The following MYO9B variants were observed in gnomAD, a reference collection of about 807,000 sequenced individuals.
MYO9B encodes unconventional myosin-IXb.
In MYO9B, 71 loss-of-function variants were observed where a neutral mutation model predicts 229.5. The ratio of observed to expected loss-of-function variants is 0.31; its 90% CI spans 0.26 to 0.38. The LOEUF (loss-of-function observed/expected upper bound fraction) is 0.38, where lower values mean the gene tolerates loss of function less well. Among genes scored for constraint, MYO9B ranks in the 10% least tolerant of loss-of-function variants. MYO9B has a pLI of 1.00. For synonymous variants in MYO9B, 1,185 were observed against 1,235.8 expected, an observed-to-expected ratio of 0.96 and a Z score of 0.86; for missense variants, 2,255 against 2,920.5, an observed-to-expected ratio of 0.77 and a Z score of 5.25.
chr19:17,114,893 A>G (rs1402088845), intron 2 of MYO9B, among the ~76,000 whole-genome samples: 2 of 146,140 alleles, frequency 1.4e-5, no homozygotes, highest in Non-Finnish European at 3.0e-5. Context: ...ACGTTTCATT[A>G]TCTCTTTTGG....
chr19:17,115,425 T>C (rs2057892368), intron 2 of MYO9B, among the ~76,000 whole-genome samples: 1 of 151,522 alleles, frequency 6.6e-6, no homozygotes, highest in African/African-American at 2.4e-5. Flanking sequence ...CACCGCTTCG[T>C]AGAATGTTCC....
At position 17,193,112 on chromosome 19, in the gene MYO9B, G is replaced by T. The variant is rs1372967807; in HGVS notation, c.3128+50G>T. ...TCGGAATATTCCAGAAGCCAAAAAG[G>T]TCACTCACCAAATTGCTGCCCGTGA... On this transcript the variant is annotated intron_variant, in intron 21 of 39. Coordinates refer to ENST00000682292, the MANE Select transcript of MYO9B (RefSeq NM_004145.4). This position sits in a 1 kb window ranked among gnomAD's most constrained non-coding sequence, Gnocchi z 4.3. 7.1e-7 allele frequency: 1 copy of T among 1,418,372 alleles called. No individual in the cohort carries two copies. The highest frequency in any genetic ancestry group is 9.2e-7 in the Non-Finnish European group (1 of 1,086,386). 87.9% of individuals were successfully genotyped at this position (1,418,372 alleles called of 1,614,324 possible).
chr19:17,116,474 C>A (rs146965641), intron 2 of MYO9B, among the ~76,000 whole-genome samples: 1 of 152,154 alleles, frequency 6.6e-6, no homozygotes. Context: ...AGGGCCACCT[C>A]TTTTAAGGGA....
At chr19:17,128,215 G>A (rs995886149) in intron 2 of MYO9B, among the ~76,000 whole-genome samples, 2 of 148,324 alleles carry the variant, frequency 1.3e-5, no homozygotes, top group Non-Finnish European at 3.0e-5. Flanking sequence ...TATCTATACT[G>A]AAAAAAAAAA....
intron 2 of MYO9B, among the ~76,000 whole-genome samples, chr19:17,145,099 G>A (rs898043158): frequency 5.3e-5 from 8 of 151,886 alleles, no homozygotes; most frequent in Admixed American, 1.3e-4. Flanking sequence ...ACAACATGGT[G>A]AAACCCCGTC....
Position 17,167,981 on chromosome 19 carries a change from C to T in MYO9B, c.1710C>T (p.Ile570=), listed in dbSNP as rs758452626. 33 of 1,599,284 alleles carry T rather than the reference C, an allele frequency of 2.1e-5. No individual in the cohort carries two copies. Among genetic ancestry groups the T allele is most frequent in the South Asian group, 3.4e-5 (3 of 88,422 alleles). The change falls in exon 11 of 40, where the codon ATC becomes ATT. Residue 570 remains isoleucine, a synonymous_variant. Coordinates refer to ENST00000682292, the MANE Select transcript of MYO9B (RefSeq NM_004145.4). ...GCGAGGGGATCACGTGGCACAACAT[C>T]GGCTACACAGACAATGTCGGCTGCA... ...YQGEGITWHN[I]GYTDNVGCIH...
At chr19:17,187,798 G>C (rs1044893392) in intron 18 of MYO9B, 137 bp from the exon 19 acceptor site, 4 of 692,392 alleles carry the variant, frequency 5.8e-6, no homozygotes, top group Non-Finnish European at 9.9e-6. Context: ...GACCATGTCT[G>C]TGTTCGGCAT....
intron 2 of MYO9B, among the ~76,000 whole-genome samples, chr19:17,136,267 C>T (rs2145195369): frequency 6.6e-6 from 1 of 152,244 alleles, no homozygotes; most frequent in African/African-American, 2.4e-5. Context: ...AGCTGATTTC[C>T]TGCGTGAGCT....
At chr19:17,088,394 G>A (rs1445558336) in intron 1 of MYO9B, among the ~76,000 whole-genome samples, 7 of 152,168 alleles carry the variant, frequency 4.6e-5, no homozygotes, top group African/African-American at 1.2e-4. Context: ...TGAGGTTCGC[G>A]GTAAGCATGA....
intron 19 of MYO9B, among the ~76,000 whole-genome samples, chr19:17,190,673 T>C (rs68099379): frequency 0.13 from 19,976 of 150,590 alleles, 1,720 homozygotes; most frequent in African/African-American, 0.24. Flanking sequence ...CTTTTTTTTT[T>C]CTTAAGACGG....
intron 2 of MYO9B, among the ~76,000 whole-genome samples, chr19:17,116,707 C>T (rs574670387): frequency 3.3e-5 from 5 of 152,154 alleles, no homozygotes; most frequent in African/African-American, 9.6e-5. Flanking sequence ...GTGCAGACCG[C>T]AGAGAGGCCG....
chr19:17,102,149 G>T lies in MYO9B; in HGVS notation c.432G>T (p.Gln144His), dbSNP rs780298599. 2.5e-6 allele frequency: 4 copies of T among 1,613,754 alleles called. No homozygotes were observed. Among genetic ancestry groups the T allele is most frequent in the Non-Finnish European group, 3.4e-6 (4 of 1,179,888 alleles). ...RLVERGLLPR[Q>H]QADFDDLCNL... is the part of the protein sequence containing the mutation. ...TGGAGCGTGGCCTCCTGCCACGGCA[G>T]CAGGCGGACTTTGATGACCTGTGTA... Residue 144 changes from glutamine (Q) to histidine (H), a missense_variant, in exon 2 of 40, where the codon CAG becomes CAT. By Grantham distance (24) the Gln-to-His change is conservative. Around this residue, in one of 7 missense-constraint regions of MYO9B, gnomAD observed 386 missense variants for 515.2 expected, o/e 0.75. Coordinates refer to ENST00000682292, the MANE Select transcript of MYO9B (RefSeq NM_004145.4).
chr19:17,099,982 G>T (rs755380872), intron 1 of MYO9B, among the ~76,000 whole-genome samples: 1 of 151,506 alleles, frequency 6.6e-6, no homozygotes, highest in Non-Finnish European at 1.5e-5. Context: ...TTAGCCGGGC[G>T]TGGTGGCGGG....
At chr19:17,161,430 A>G (rs1168789715) in intron 8 of MYO9B, among the ~76,000 whole-genome samples, 9 of 152,166 alleles carry the variant, frequency 5.9e-5, no homozygotes, top group African/African-American at 1.9e-4. Context: ...TGTAATCCCA[A>G]CACTTACGGA....
intron 2 of MYO9B, among the ~76,000 whole-genome samples, chr19:17,102,997 G>A (rs546484311): frequency 2.0e-5 from 3 of 148,692 alleles, no homozygotes; most frequent in South Asian, 2.1e-4. Flanking sequence ...CAAGAGGATC[G>A]CTTGAGCCCA....
chr19:17,096,693 GTTGTTGT>G (rs2057693268), intron 1 of MYO9B, among the ~76,000 whole-genome samples: 1 of 107,966 alleles, frequency 9.3e-6, no homozygotes, highest in Admixed American at 1.1e-4. Context: ...TGTTGTTGTT[GTTGTTGT>G]TGTTGGTTTT....
chr19:17,201,884 C>G, intron 26 of MYO9B, 42 bp from the exon 27 acceptor site: 1 of 1,525,548 alleles, frequency 6.6e-7, no homozygotes, highest in Non-Finnish European at 9.0e-7. Flanking sequence ...ACGCAGGTCC[C>G]CAGGCCTGAG....
intron 2 of MYO9B, among the ~76,000 whole-genome samples, chr19:17,106,898 A>G (rs1316656896): frequency 6.6e-6 from 1 of 152,218 alleles, no homozygotes; most frequent in Non-Finnish European, 1.5e-5. Context: ...CCCCGTCTCT[A>G]CTAAAAATAC....
At chr19:17,183,371 A>G (rs983515548) in intron 15 of MYO9B, among the ~76,000 whole-genome samples, 5 of 152,164 alleles carry the variant, frequency 3.3e-5, no homozygotes, top group African/African-American at 1.2e-4. Flanking sequence ...CTACCAGCAC[A>G]TGGCAAAGAC....
Sources: gnomAD v4.1 joint callset for allele counts (sites outside exome capture counted in the v4.1 genomes callset) on GRCh38, gnomAD v4.1.1 for gene constraint, gnomAD v4.1.1 regional missense constraint, Gnocchi (gnomAD v3.1) non-coding constraint, MANE v1.5 for transcripts, NCBI Gene and HGNC (gene_info 2026-07-23, HGNC 2026-07-21) for gene names.